ADARB1: variants seen among roughly 807,000 people sequenced by gnomAD.
The protein encoded by ADARB1 is double-stranded RNA-specific editase 1.
A neutral mutation model predicts 52.4 loss-of-function variants in ADARB1; 10 were observed. The ratio of observed to expected loss-of-function variants is 0.19; its 90% confidence interval spans 0.12 to 0.32. ADARB1 has a LOEUF of 0.32. ADARB1 is among the 10% of genes least tolerant of loss of function. The pLI is 1.00. For synonymous variants in ADARB1, 349 were observed against 371.1 expected, an observed-to-expected ratio of 0.94 and a Z score of 0.68; for missense variants, 643 against 922.3, an observed-to-expected ratio of 0.70 and a Z score of 3.92.
At chr21:45,113,521 G>GTA (rs1413082208) in intron 1 of ADARB1, among the ~76,000 whole-genome samples, 3 of 147,210 alleles carry the variant, frequency 2.0e-5, no homozygotes, top group East Asian at 3.9e-4. Flanking sequence ...GTGTGTGTGT[G>GTA]TGTATATATA....
rs1382517775 is a variant in ADARB1 at position 45,183,449 on chromosome 21, C to T, written c.1335C>T (p.Tyr445=). ...RLKENVQFHL[Y]ISTSPCGDAR... ...AGGAGAATGTCCAGTTTCATCTGTA[C>T]ATCAGCACCTCTCCCTGTGGAGATG... The change falls in exon 7 of 11, where the codon TAC becomes TAT. Residue 445 remains tyrosine, a synonymous_variant. Transcript: ENST00000348831. 2 of 1,613,416 alleles carry T rather than the reference C, an allele frequency of 1.2e-6. No homozygotes were observed. Among genetic ancestry groups the T allele is most frequent in the Non-Finnish European group, 1.7e-6 (2 of 1,179,834 alleles).
chr21:45,189,874 A>G (rs1320690071), intron 8 of ADARB1, among the ~76,000 whole-genome samples: 1 of 151,900 alleles, frequency 6.6e-6, no homozygotes. Context: ...TGCTTTTAAG[A>G]TTCTCTGTCT....
At position 45,119,311 on chromosome 21, in the gene ADARB1, G is replaced by A. The variant is rs1055254790; in HGVS notation, c.-219-9091G>A. 7.2e-5 allele frequency among the ~76,000 whole-genome samples: 11 copies of A among 152,238 alleles called. 1 individual carries two copies. The South Asian group carries it at 1.5e-3, about 20-fold the overall frequency. ...TTGCCGTGTTGCCCAGACTGGTCTC[G>A]AACTCCTAGGCTCAAGCCATCCTCC... On this transcript the variant is annotated intron_variant, in intron 1 of 10. Coordinates refer to ENST00000348831, the MANE Select transcript of ADARB1 (RefSeq NM_001112.4).
At chr21:45,215,291 G>T (rs937311804) in intron 9 of ADARB1, among the ~76,000 whole-genome samples, 1 of 152,064 alleles carries the variant, frequency 6.6e-6, no homozygotes, top group Admixed American at 6.6e-5. Context: ...CAAGCAACCC[G>T]CCTGCCTCAG....
chr21:45,122,730 A>G (rs543629595), intron 1 of ADARB1, among the ~76,000 whole-genome samples: 18 of 152,210 alleles, frequency 1.2e-4, no homozygotes, highest in Non-Finnish European at 2.6e-4. Context: ...AGGATGGCTC[A>G]AGGCAAATGG....
At chr21:45,160,068 A>G (rs1022877977) in intron 2 of ADARB1, among the ~76,000 whole-genome samples, 1 of 152,324 alleles carries the variant, frequency 6.6e-6, no homozygotes, top group South Asian at 2.1e-4. Flanking sequence ...AGGCTGCTGG[A>G]AGGTTGACCA....
chr21:45,102,143 C>T (rs2087047441), intron 1 of ADARB1, among the ~76,000 whole-genome samples: 2 of 152,208 alleles, frequency 1.3e-5, no homozygotes, highest in African/African-American at 2.4e-5. Flanking sequence ...CCTCCCTCTT[C>T]GGCCTCCCAA....
intron 1 of ADARB1, among the ~76,000 whole-genome samples, chr21:45,101,985 A>G (rs2087039913): frequency 6.6e-6 from 1 of 152,188 alleles, no homozygotes; most frequent in African/African-American, 2.4e-5. Flanking sequence ...TCCAGGCTCA[A>G]GTGATCCTCC....
chr21:45,104,455 G>A (rs1313668540), intron 1 of ADARB1, among the ~76,000 whole-genome samples: 4 of 152,162 alleles, frequency 2.6e-5, no homozygotes, highest in Admixed American at 1.3e-4. Context: ...TTGGGTCAGT[G>A]GAGACACAGT....
chr21:45,175,399 C>T (rs758235334), intron 3 of ADARB1, among the ~76,000 whole-genome samples: 4 of 152,090 alleles, frequency 2.6e-5, no homozygotes, highest in Non-Finnish European at 5.9e-5. Context: ...TATCATCCCA[C>T]ATTTTGATAA....
chr21:45,210,201 A>G (rs1003286593), intron 9 of ADARB1, among the ~76,000 whole-genome samples: 1 of 152,148 alleles, frequency 6.6e-6, no homozygotes, highest in Non-Finnish European at 1.5e-5. Flanking sequence ...CTCCTTTTGC[A>G]TACTGAGAGA....
chr21:45,087,196 C>A (rs1463257321), intron 1 of ADARB1, among the ~76,000 whole-genome samples: 1 of 152,192 alleles, frequency 6.6e-6, no homozygotes, highest in Non-Finnish European at 1.5e-5. Flanking sequence ...TTTGACCCAG[C>A]AATTCTGCTT....
chr21:45,195,906 A>G (rs759673991), intron 8 of ADARB1, among the ~76,000 whole-genome samples: 1 of 152,166 alleles, frequency 6.6e-6, no homozygotes, highest in African/African-American at 2.4e-5. Context: ...CCCTTTTTAT[A>G]TCAGCCTTAG....
In ADARB1 at chr21:45,128,319, T is replaced by C. The variant is rs1024829542; in HGVS notation, c.-219-83T>C. ...TTTTCATGGAGAGTATTTATTGTTATAGAGTTCACTTCTGAAATGGTGACA... is the reference window on the plus strand; with the variant it reads ...TTTTCATGGAGAGTATTTATTGTTACAGAGTTCACTTCTGAAATGGTGACA... On this transcript the variant is annotated intron_variant, in intron 1 of 10. Coordinates refer to ENST00000348831, the MANE Select transcript of ADARB1 (RefSeq NM_001112.4). The surrounding 1 kb of genome is among the most constrained non-coding windows in gnomAD (Gnocchi z 4.6). 6.6e-6 allele frequency: 1 copy of C among 152,254 alleles called. No individual in the cohort carries two copies. Among genetic ancestry groups the C allele is most frequent in the Non-Finnish European group, 1.5e-5 (1 of 68,044 alleles). The allele number at this position is 152,254 out of a possible 1,614,324, so 9.4% of individuals were successfully genotyped here.
At chr21:45,156,371 A>C (rs1601650543) in intron 2 of ADARB1, among the ~76,000 whole-genome samples, 13 of 97,960 alleles carry the variant, frequency 1.3e-4, no homozygotes, top group Non-Finnish European at 1.7e-4. Flanking sequence ...ACCCATCATC[A>C]CCCATCACCC....
intron 2 of ADARB1, among the ~76,000 whole-genome samples, chr21:45,130,014 T>C (rs2088832180): frequency 6.6e-6 from 1 of 152,206 alleles, no homozygotes; most frequent in South Asian, 2.1e-4. Context: ...ACCTTTATCA[T>C]GGCTTGTGCT....
At chr21:45,136,000 C>G (rs894610074) in intron 2 of ADARB1, among the ~76,000 whole-genome samples, 17 of 152,166 alleles carry the variant, frequency 1.1e-4, no homozygotes, top group Non-Finnish European at 1.8e-4. Flanking sequence ...TAGGCAGCAT[C>G]AGAGCAGGGA....
At position 45,223,303 on chromosome 21, in the gene ADARB1, G is replaced by A. The variant is rs1483422515; in HGVS notation, c.*1106G>A. The A allele has an allele frequency of 1.0e-6, 1 of 985,510 alleles. No homozygotes were observed. Among genetic ancestry groups the A allele is most frequent in the Non-Finnish European group, 1.2e-6 (1 of 829,956 alleles). 61.0% of individuals were successfully genotyped at this position (985,510 alleles called of 1,614,324 possible). ...TCCAAGTGAGAGCTGGTGAGACCAC[G>A]TGCTGCTGGCGTAGTGTAGGCCAGA... On this transcript the variant is annotated 3_prime_UTR_variant, in exon 11 of 11. Transcript: ENST00000348831.
At chr21:45,102,455 T>C (rs2087061048) in intron 1 of ADARB1, among the ~76,000 whole-genome samples, 1 of 152,144 alleles carries the variant, frequency 6.6e-6, no homozygotes. Flanking sequence ...TAAAACAGCA[T>C]ATAAAAAATA....
Sources: gnomAD v4.1 joint callset for allele counts (sites outside exome capture counted in the v4.1 genomes callset) on GRCh38, gnomAD v4.1.1 for gene constraint, Gnocchi (gnomAD v3.1) non-coding constraint, MANE v1.5 for transcripts, NCBI Gene and HGNC (gene_info 2026-07-23, HGNC 2026-07-21) for gene names.